The following CNTNAP5 variants were observed in gnomAD, a reference collection of about 807,000 sequenced individuals.
CNTNAP5 encodes contactin-associated protein-like 5.
A neutral mutation model predicts 150.2 loss-of-function variants in CNTNAP5; 72 were observed. That is an observed-to-expected ratio of 0.48 (90% CI 0.40 to 0.58). The LOEUF (loss-of-function observed/expected upper bound fraction) is 0.58. Ranked by LOEUF, CNTNAP5 falls within the 20% of genes least tolerant of loss-of-function variation. The pLI is 0.00. For missense variants in CNTNAP5, 1,636 were observed against 1,626.2 expected, an observed-to-expected ratio of 1.01 and a Z score of -0.10; for synonymous variants, 672 against 619.8, an observed-to-expected ratio of 1.08 and a Z score of -1.25.
intron 19 of CNTNAP5, among the ~76,000 whole-genome samples, chr2:124,857,150 A>G (rs1478681844): frequency 2.6e-5 from 4 of 152,260 alleles, no homozygotes; most frequent in African/African-American, 9.6e-5. Context: ...AGGAAGAGAC[A>G]GTGAGCCTCC....
intron 4 of CNTNAP5, among the ~76,000 whole-genome samples, chr2:124,419,142 A>T (rs1244110669): frequency 7.7e-6 from 1 of 130,312 alleles, no homozygotes; most frequent in African/African-American, 3.0e-5. Context: ...CTCCTTCTCA[A>T]AAAAAAAAAA....
rs372184382 is a variant in CNTNAP5 at position 124,527,455 on chromosome 2, A to G, written c.1648A>G (p.Arg550Gly). The stretch of plus-strand genomic sequence containing the variant: ...CATTGATCTGTGTAGCATCAAAGAC[A>G]GGTAATTATTGTCTCTTCTCCTCTG... ...LHIDLCSIKD[R>G]CLPNYCEHGG... The change falls in exon 10 of 24, where the codon AGG becomes GGG. Residue 550 changes from arginine (R) to glycine (G), a missense_variant and splice_region_variant. Physicochemically the swap from Arg to Gly is moderately radical, Grantham distance 125. Transcript: ENST00000682447. The G allele has an allele frequency of 5.6e-6, 9 of 1,609,634 alleles. No individual in the cohort carries two copies. The highest frequency in any genetic ancestry group is 1.1e-5 in the South Asian group (1 of 90,454).
chr2:124,122,180 A>G (rs939986718), intron 1 of CNTNAP5, among the ~76,000 whole-genome samples: 36 of 152,138 alleles, frequency 2.4e-4, no homozygotes, highest in African/African-American at 8.7e-4. Context: ...ATCTTTGCAA[A>G]GGGAACAATG....
chr2:124,180,855 T>C (rs547092828), intron 1 of CNTNAP5, among the ~76,000 whole-genome samples: 6 of 148,466 alleles, frequency 4.0e-5, no homozygotes, highest in Admixed American at 3.4e-4. Flanking sequence ...TTTCCTCTTA[T>C]TGTTCACCTT....
chr2:124,892,491 A>C (rs1678213518), intron 21 of CNTNAP5, among the ~76,000 whole-genome samples: 1 of 152,104 alleles, frequency 6.6e-6, no homozygotes, highest in Non-Finnish European at 1.5e-5. Context: ...AATTCAAGAG[A>C]CAAAACAAGA....
intron 3 of CNTNAP5, among the ~76,000 whole-genome samples, chr2:124,369,565 C>A (rs1179990763): frequency 6.6e-6 from 1 of 152,012 alleles, no homozygotes. Flanking sequence ...GGTTGAAAAC[C>A]TTTTCTTTCC....
Position 124,713,135 on chromosome 2 carries a change from TCTTC to T in CNTNAP5, c.2078-34075_2078-34072del, listed in dbSNP as rs201264641. Among the ~76,000 whole-genome samples the T allele has an allele frequency of 3.2e-3, 479 of 151,698 alleles. 10 individuals are homozygous for T. The highest frequency in any genetic ancestry group is 5.6e-3 in the South Asian group (27 of 4,790). On this transcript the variant is annotated intron_variant, in intron 13 of 23. Transcript: ENST00000682447. ...ATGGGACTGTAACAATGTCTTCCTT[TCTTC>T]CTTCCTTCCTTCCTTCCTCCCTCCC...
intron 1 of CNTNAP5, among the ~76,000 whole-genome samples, chr2:124,185,387 G>A (rs138034930): frequency 6.6e-6 from 1 of 152,270 alleles, no homozygotes; most frequent in Non-Finnish European, 1.5e-5. Context: ...TAGTATCTTA[G>A]TATTAGGCGT....
chr2:124,421,404 G>A (rs1461355576), intron 4 of CNTNAP5, among the ~76,000 whole-genome samples: 1 of 152,140 alleles, frequency 6.6e-6, no homozygotes, highest in African/African-American at 2.4e-5. Context: ...GCAAAACTCT[G>A]GGAAGCAGCC....
intron 2 of CNTNAP5, among the ~76,000 whole-genome samples, chr2:124,227,158 G>T (rs141833282): frequency 6.6e-6 from 1 of 152,132 alleles, no homozygotes; most frequent in African/African-American, 2.4e-5. Flanking sequence ...CTCTGAGTGT[G>T]CTGGGCATTT....
intron 1 of CNTNAP5, among the ~76,000 whole-genome samples, chr2:124,174,794 C>A (rs1462356366): frequency 1.3e-5 from 2 of 152,152 alleles, no homozygotes; most frequent in Non-Finnish European, 2.9e-5. Flanking sequence ...GCATCACATG[C>A]TACAGAAATA....
At chr2:124,833,430 G>A (rs6716689) in intron 19 of CNTNAP5, among the ~76,000 whole-genome samples, 7,667 of 152,104 alleles carry the variant, frequency 0.05, 625 homozygotes, top group African/African-American at 0.17. Context: ...TGTTCCAAAT[G>A]GTCCTTATCT....
chr2:124,715,563 G>T (rs1679927971), intron 13 of CNTNAP5, among the ~76,000 whole-genome samples: 1 of 152,098 alleles, frequency 6.6e-6, no homozygotes, highest in Non-Finnish European at 1.5e-5. Flanking sequence ...TGCACAATGT[G>T]CAGGTTTGTT....
intron 3 of CNTNAP5, among the ~76,000 whole-genome samples, chr2:124,334,171 G>A (rs1054029225): frequency 6.6e-6 from 1 of 152,126 alleles, no homozygotes; most frequent in South Asian, 2.1e-4. Context: ...GGGGTGTCTG[G>A]ATTGCTAAAG....
At chr2:124,475,130 A>T (rs1004249875) in intron 7 of CNTNAP5, among the ~76,000 whole-genome samples, 23 of 151,958 alleles carry the variant, frequency 1.5e-4, no homozygotes, top group Non-Finnish European at 1.6e-4. Context: ...ACTGTGGGTC[A>T]TATTTCAACT....
At chr2:124,849,271 G>A (rs2104701484) in intron 19 of CNTNAP5, among the ~76,000 whole-genome samples, 1 of 152,160 alleles carries the variant, frequency 6.6e-6, no homozygotes, top group Non-Finnish European at 1.5e-5. Context: ...TCTTATCAAA[G>A]TTTAGTTGAT....
intron 1 of CNTNAP5, among the ~76,000 whole-genome samples, chr2:124,045,087 C>T (rs1274382419): frequency 6.6e-6 from 1 of 152,074 alleles, no homozygotes; most frequent in Non-Finnish European, 1.5e-5. Flanking sequence ...TCAAATATGT[C>T]TCTGGCTCCA....
intron 7 of CNTNAP5, among the ~76,000 whole-genome samples, chr2:124,502,591 A>G (rs1413706632): frequency 1.3e-5 from 2 of 152,232 alleles, no homozygotes; most frequent in Non-Finnish European, 1.5e-5. Flanking sequence ...AAAGGAAAAG[A>G]TAAATAAAAG....
intron 3 of CNTNAP5, among the ~76,000 whole-genome samples, chr2:124,253,951 T>C (rs1241193111): frequency 6.6e-6 from 1 of 152,032 alleles, no homozygotes; most frequent in African/African-American, 2.4e-5. Context: ...ACATTCTCCT[T>C]TATGAACGGA....
Sources: allele counts gnomAD v4.1 joint callset (sites outside exome capture counted in the v4.1 genomes callset), GRCh38; gene constraint gnomAD v4.1.1; transcripts MANE v1.5; gene names NCBI Gene and HGNC (gene_info 2026-07-23, HGNC 2026-07-21).